The following DIP2C variants were observed in gnomAD, a reference collection of about 807,000 sequenced individuals.
DIP2C encodes DIP2 acetate--CoA ligase C (putative), also known as disco-interacting protein 2 homolog C.
DIP2C carries 33 observed loss-of-function variants against 192.4 expected under a neutral mutation model. That is an observed-to-expected ratio of 0.17 (90% CI 0.13 to 0.23). DIP2C has a LOEUF of 0.23. Among genes scored for constraint, DIP2C ranks in the 10% least tolerant of loss-of-function variants. The pLI, the probability that DIP2C is intolerant of heterozygous loss-of-function variation, is 1.00. For missense variants in DIP2C, 1,537 were observed against 2,110.1 expected (o/e 0.73, Z 5.32); for synonymous variants, 979 against 864.1 (o/e 1.13, Z -2.33).
chr10:440,197 AAC>A (rs1202520394), intron 4 of DIP2C, among the ~76,000 whole-genome samples: 3 of 152,360 alleles, frequency 2.0e-5, no homozygotes, highest in East Asian at 1.9e-4. Context: ...AGTATTACAT[AAC>A]ACAAATATAA....
chr10:457,637 C>T (rs923982327), intron 3 of DIP2C, among the ~76,000 whole-genome samples: 1 of 152,156 alleles, frequency 6.6e-6, no homozygotes, highest in African/African-American at 2.4e-5. Flanking sequence ...CTCACTGCAG[C>T]CTCCAGCTCC....
intron 3 of DIP2C, among the ~76,000 whole-genome samples, chr10:446,889 G>C (rs376698767): frequency 2.6e-5 from 4 of 152,268 alleles, no homozygotes; most frequent in African/African-American, 9.6e-5. Flanking sequence ...TTTGAATGAT[G>C]AGCCAAGTGT....
chr10:434,328 G>T (rs1187216069), intron 4 of DIP2C, among the ~76,000 whole-genome samples: 1 of 152,178 alleles, frequency 6.6e-6, no homozygotes, highest in Admixed American at 6.5e-5. Flanking sequence ...GCCCAGGGTG[G>T]AGTAGAGTGG....
intron 1 of DIP2C, among the ~76,000 whole-genome samples, chr10:588,773 G>A (rs949999307): frequency 1.3e-5 from 2 of 152,150 alleles, no homozygotes; most frequent in East Asian, 1.9e-4. Context: ...CTGCCAGGCT[G>A]GTACTCTCAC....
chr10:614,913 C>T (rs897616494), intron 1 of DIP2C, among the ~76,000 whole-genome samples: 5 of 152,182 alleles, frequency 3.3e-5, no homozygotes, highest in Non-Finnish European at 5.9e-5. Context: ...GGCCCTGACA[C>T]AAGCGTGACC....
At chr10:504,128 C>A (rs942531859) in intron 1 of DIP2C, among the ~76,000 whole-genome samples, 1 of 152,248 alleles carries the variant, frequency 6.6e-6, no homozygotes. Context: ...ACCTAACTGC[C>A]TTCCTAACCA....
At chr10:520,369 C>T (rs898845159) in intron 1 of DIP2C, among the ~76,000 whole-genome samples, 4 of 152,174 alleles carry the variant, frequency 2.6e-5, no homozygotes, top group African/African-American at 9.7e-5. Context: ...CAGAAAGTTA[C>T]TAGACATTAA....
rs1313683565 is a variant in DIP2C, at chr10:651,541, T to A, written c.85+37953A>T. 9 of 460,208 alleles carry A rather than the reference T, an allele frequency of 2.0e-5. No individual in the cohort carries two copies. The highest frequency in any genetic ancestry group is 1.8e-4 in the South Asian group (9 of 49,092). 28.5% of individuals were successfully genotyped at this position (460,208 alleles called of 1,614,324 possible). On this transcript the variant is annotated intron_variant, in intron 1 of 36. Coordinates refer to ENST00000280886, the MANE Select transcript of DIP2C (RefSeq NM_014974.3). The surrounding 1 kb of genome is among the most constrained non-coding windows in gnomAD (Gnocchi z 4.1). ...GTATTATGCAAAAAAAGCTTAACTT[T>A]GTTTCAGTGCCTTTCCAGTTAAATG...
At chr10:529,019 C>G (rs1397963933) in intron 1 of DIP2C, among the ~76,000 whole-genome samples, 2 of 152,192 alleles carry the variant, frequency 1.3e-5, no homozygotes, top group African/African-American at 4.8e-5. Flanking sequence ...TGCCAGAACC[C>G]CTCCCAGTGA....
At chr10:512,584 CAAA>C (rs1158788617) in intron 1 of DIP2C, among the ~76,000 whole-genome samples, 1 of 149,006 alleles carries the variant, frequency 6.7e-6, no homozygotes, top group African/African-American at 2.5e-5. Flanking sequence ...GACCCCATCT[CAAA>C]AAACAAAAAG....
chr10:615,746 C>T (rs1245823452), intron 1 of DIP2C, among the ~76,000 whole-genome samples: 1 of 152,112 alleles, frequency 6.6e-6, no homozygotes, highest in Non-Finnish European at 1.5e-5. Context: ...ACAGCCACTC[C>T]CACCAAGCTT....
chr10:429,712 G>A (rs549184983), intron 4 of DIP2C, among the ~76,000 whole-genome samples: 5 of 151,752 alleles, frequency 3.3e-5, no homozygotes, highest in Admixed American at 3.3e-4. Flanking sequence ...TCTATGGAGA[G>A]CTCATTTATT....
intron 3 of DIP2C, among the ~76,000 whole-genome samples, chr10:454,677 C>T (rs558595673): frequency 6.7e-6 from 1 of 149,538 alleles, no homozygotes; most frequent in South Asian, 2.1e-4. Context: ...TGCTTGATGT[C>T]ATTATTGCAA....
chr10:342,746 T>C (rs1359020055), intron 28 of DIP2C, among the ~76,000 whole-genome samples: 1 of 152,256 alleles, frequency 6.6e-6, no homozygotes, highest in East Asian at 1.9e-4. Context: ...TCTTCCACCA[T>C]CCTGCATGGA....
chr10:534,595 T>C (rs1466875116), intron 1 of DIP2C, among the ~76,000 whole-genome samples: 1 of 152,164 alleles, frequency 6.6e-6, no homozygotes, highest in African/African-American at 2.4e-5. Flanking sequence ...AACCCTGTTA[T>C]TCAGGAAACT....
chr10:473,073 T>C (rs1970762262), intron 2 of DIP2C, among the ~76,000 whole-genome samples: 1 of 152,220 alleles, frequency 6.6e-6, no homozygotes, highest in Admixed American at 6.5e-5. Flanking sequence ...CTCTGGAAAC[T>C]TACTCCATTG....
chr10:476,933 T>C (rs913959909), intron 2 of DIP2C, among the ~76,000 whole-genome samples: 4 of 151,560 alleles, frequency 2.6e-5, no homozygotes, highest in Non-Finnish European at 5.9e-5. Flanking sequence ...GTGACCTTGC[T>C]CTCGGTGGAG....
chr10:640,413 T>G (rs1426554529), intron 1 of DIP2C, among the ~76,000 whole-genome samples: 3 of 152,122 alleles, frequency 2.0e-5, no homozygotes, highest in Non-Finnish European at 4.4e-5. Context: ...GAAGGGTGGG[T>G]CGCCAGAGCT....
chr10:371,786 C>T (rs1960995551), intron 17 of DIP2C, among the ~76,000 whole-genome samples: 1 of 152,304 alleles, frequency 6.6e-6, no homozygotes, highest in South Asian at 2.1e-4. Flanking sequence ...AGACGCCCAG[C>T]CCTGTGACAC....
Sources: gnomAD v4.1 joint callset for allele counts (sites outside exome capture counted in the v4.1 genomes callset) on GRCh38, gnomAD v4.1.1 for gene constraint, Gnocchi (gnomAD v3.1) non-coding constraint, MANE v1.5 for transcripts, NCBI Gene and HGNC (gene_info 2026-07-23, HGNC 2026-07-21) for gene names.